Variants in THRB observed in about 807,000 individuals in gnomAD.
THRB encodes the protein nuclear receptor subfamily 1 group A member 2.
THRB carries 12 observed loss-of-function variants against 47.8 expected under a neutral mutation model. The ratio of observed to expected loss-of-function variants is 0.25; its 90% CI spans 0.16 to 0.41. The LOEUF (loss-of-function observed/expected upper bound fraction) is 0.41, where lower values mean the gene tolerates loss of function less well. THRB is among the 10% of genes least tolerant of loss of function. The probability of loss-of-function intolerance (pLI) is 1.00; values close to 1 mark genes in which losing one functional copy is unlikely to be tolerated. For synonymous variants in THRB, 218 were observed against 212.2 expected (o/e 1.03, Z -0.24); for missense variants, 348 against 589.2 (o/e 0.59, Z 4.24).
rs943827602 is a variant in THRB, at chr3:24,202,852, T to C, written c.23-12518A>G. 5.3e-5 allele frequency among the ~76,000 whole-genome samples: 8 copies of C among 152,298 alleles called. No homozygotes were observed. In the Middle Eastern group the frequency reaches 0.014, roughly 259 times the overall value. On this transcript the variant is annotated intron_variant, in intron 4 of 10. Coordinates refer to ENST00000646209, the MANE Select transcript of THRB (RefSeq NM_001354712.2). ...ATAGGTAGCTACTTTCATAACACCT[T>C]TGCTATCTTCTACAGGTGAGGCAAT...
At chr3:24,312,593 T>G (rs1368264412) in intron 2 of THRB, among the ~76,000 whole-genome samples, 1 of 152,234 alleles carries the variant, frequency 6.6e-6, no homozygotes, top group African/African-American at 2.4e-5. Context: ...CTGCTAATTT[T>G]GAGAACTGAT....
chr3:24,383,586 T>C (rs1056085236), intron 1 of THRB, among the ~76,000 whole-genome samples: 10 of 152,280 alleles, frequency 6.6e-5, no homozygotes, highest in South Asian at 2.1e-4. Flanking sequence ...AGGTAATTAG[T>C]AGTATCTTCA....
intron 2 of THRB, among the ~76,000 whole-genome samples, chr3:24,315,180 C>A (rs1462825647): frequency 6.6e-6 from 1 of 152,128 alleles, no homozygotes. Flanking sequence ...ACGTCTTGAC[C>A]CACACATTAA....
chr3:24,464,786 T>A (rs1002794453), intron 1 of THRB, among the ~76,000 whole-genome samples: 33 of 152,212 alleles, frequency 2.2e-4, no homozygotes, highest in Non-Finnish European at 1.0e-4. Context: ...TCTGTAGAGA[T>A]TATTTCTAAA....
intron 3 of THRB, among the ~76,000 whole-genome samples, chr3:24,232,324 A>G (rs929819137): frequency 6.6e-6 from 1 of 152,250 alleles, no homozygotes; most frequent in Non-Finnish European, 1.5e-5. Context: ...GCCTGTCCAC[A>G]AGCAGCTTCT....
Position 24,117,675 on chromosome 3 carries a change from G to A in THRB, c.*5209C>T, listed in dbSNP as rs1026754839. The A allele has an allele frequency of 6.6e-6, 1 of 152,208 alleles. No individual in the cohort carries two copies. The allele number at this position is 152,208 out of a possible 1,614,324, so 9.4% of individuals were successfully genotyped here. ...GTCTACATGAATGACAAAAAAAGGA[G>A]CTTCCTGAGAATACTGAGTAAGTGC... On this transcript the variant is annotated 3_prime_UTR_variant, in exon 11 of 11. Transcript: ENST00000646209.
intron 1 of THRB, among the ~76,000 whole-genome samples, chr3:24,429,139 TTA>T (rs528522597): frequency 1.0e-3 from 153 of 151,690 alleles, no homozygotes; most frequent in Middle Eastern, 3.5e-3. Context: ...AATACATGGT[TTA>T]TGAGTACTAT....
At chr3:24,290,789 A>G (rs569317524) in intron 3 of THRB, among the ~76,000 whole-genome samples, 4 of 152,356 alleles carry the variant, frequency 2.6e-5, no homozygotes, top group African/African-American at 7.2e-5. Flanking sequence ...GAAACCCCAA[A>G]GCAGTCGTCT....
In THRB at chr3:24,282,825, G is replaced by C. The variant is rs1185628698; in HGVS notation, c.-43+14401C>G. On this transcript the variant is annotated intron_variant, in intron 3 of 10. Transcript: ENST00000646209. ...CAAACACCTCTACGCAAATAAACTA[G>C]AAAATCTAGAAGAAATGGATAAATT... Among the ~76,000 whole-genome samples the C allele has an allele frequency of 2.7e-5, 4 of 150,242 alleles. No homozygotes were observed. The East Asian group carries it at 5.9e-4, about 22-fold the overall frequency.
At position 24,143,870 on chromosome 3, in the gene THRB, T is replaced by G; in HGVS notation, c.533-164A>C. The G allele has an allele frequency of 4.4e-6, 3 of 689,060 alleles. No homozygotes were observed. In the South Asian group the frequency reaches 5.0e-5, roughly 12 times the overall value. 42.7% of individuals were successfully genotyped at this position (689,060 alleles called of 1,614,324 possible). ...ACAGTTTCTCTCCTCACCAGCAAAC[T>G]GCCATTGACTAGTCTTGTCCAACAT... On this transcript the variant is annotated intron_variant, in intron 7 of 10. Coordinates refer to ENST00000646209, the MANE Select transcript of THRB (RefSeq NM_001354712.2).
chr3:24,295,998 C>T (rs1437407899), intron 3 of THRB, among the ~76,000 whole-genome samples: 1 of 152,196 alleles, frequency 6.6e-6, no homozygotes, highest in African/African-American at 2.4e-5. Flanking sequence ...TAATGGACAG[C>T]ACAGATAGGT....
chr3:24,390,405 CA>C (rs971297242), intron 1 of THRB, among the ~76,000 whole-genome samples: 126 of 152,250 alleles, frequency 8.3e-4, no homozygotes, highest in African/African-American at 2.9e-3. Context: ...CATGACATAT[CA>C]GCATATATAA....
chr3:24,304,010 G>A (rs2057148036), intron 2 of THRB, among the ~76,000 whole-genome samples: 3 of 151,538 alleles, frequency 2.0e-5, no homozygotes, highest in Admixed American at 2.0e-4. Flanking sequence ...TTATTCCAAA[G>A]TTTGCCCTTA....
chr3:24,454,674 T>C (rs1050491117), intron 1 of THRB, among the ~76,000 whole-genome samples: 1 of 152,232 alleles, frequency 6.6e-6, no homozygotes, highest in Non-Finnish European at 1.5e-5. Context: ...AACTTCCTCA[T>C]ATAGAATTTA....
intron 1 of THRB, among the ~76,000 whole-genome samples, chr3:24,393,195 A>C (rs2066707830): frequency 6.6e-6 from 1 of 152,100 alleles, no homozygotes; most frequent in Non-Finnish European, 1.5e-5. Flanking sequence ...TTACATCATA[A>C]TCTGCAGAAC....
At chr3:24,343,313 G>A (rs1370592163) in intron 1 of THRB, among the ~76,000 whole-genome samples, 1 of 152,112 alleles carries the variant, frequency 6.6e-6, no homozygotes, top group Non-Finnish European at 1.5e-5. Flanking sequence ...AGCACCAGAA[G>A]CAAGGAAGTC....
chr3:24,124,484 G>C (rs1422550166), intron 10 of THRB, among the ~76,000 whole-genome samples: 1 of 152,170 alleles, frequency 6.6e-6, no homozygotes, highest in Non-Finnish European at 1.5e-5. Context: ...AATATAATGT[G>C]GGTTTTGTGG....
In THRB at chr3:24,323,064, T is replaced by C. The variant is rs150684020; in HGVS notation, c.-189+14236A>G. On this transcript the variant is annotated intron_variant, in intron 2 of 10. Transcript: ENST00000646209. The stretch of plus-strand genomic sequence containing the variant: ...TCCCATTCTGTTCCTCAAAAATCTA[T>C]AGCAGAAGGCCTATTGGTGTTTAGG... Among the ~76,000 whole-genome samples, 37 of 152,294 alleles carry C rather than the reference T, an allele frequency of 2.4e-4. No individual in the cohort carries two copies. The East Asian group carries it at 5.4e-3, about 22-fold the overall frequency.
intron 8 of THRB, among the ~76,000 whole-genome samples, chr3:24,140,999 G>T (rs1221452885): frequency 6.6e-6 from 1 of 152,262 alleles, no homozygotes; most frequent in East Asian, 1.9e-4. Flanking sequence ...ACAGGACAGT[G>T]GAAGAGTCCT....
Sources: gnomAD v4.1 joint callset for allele counts (sites outside exome capture counted in the v4.1 genomes callset) on GRCh38, gnomAD v4.1.1 for gene constraint, MANE v1.5 for transcripts, NCBI Gene and HGNC (gene_info 2026-07-23, HGNC 2026-07-21) for gene names.